TMC1: variants seen among roughly 807,000 people sequenced by gnomAD.
The protein encoded by TMC1 is transmembrane channel like 1.
Under a neutral mutation model 105.8 loss-of-function variants are expected in TMC1, and 84 were observed. The ratio of observed to expected loss-of-function variants is 0.79; its 90% CI spans 0.67 to 0.95. The LOEUF (loss-of-function observed/expected upper bound fraction) is 0.95. TMC1 is among the 40% of genes least tolerant of loss of function. TMC1 has a pLI of 0.00. For synonymous variants in TMC1, 315 were observed against 311.5 expected (o/e 1.01, Z -0.12); for missense variants, 817 against 914.1 (o/e 0.89, Z 1.37).
chr9:72,811,942 TA>T (rs1383619707), intron 18 of TMC1, among the ~76,000 whole-genome samples: 2 of 152,348 alleles, frequency 1.3e-5, no homozygotes, highest in East Asian at 3.9e-4. Flanking sequence ...TGTGAGGTGG[TA>T]TTATTGTTCC....
At position 72,632,514 on chromosome 9, in the gene TMC1, A is replaced by T. The variant is rs1019013315; in HGVS notation, c.-53+4451A>T. Among the ~76,000 whole-genome samples the T allele has an allele frequency of 2.6e-5, 4 of 152,182 alleles. No homozygotes were observed. The South Asian group carries it at 8.3e-4, about 32-fold the overall frequency. ...ATAGGGTAAGAGGACGAGGGGCTGG[A>T]AAAAGAAAGGTAATGGATATAGAGG... On this transcript the variant is annotated intron_variant, in intron 4 of 23. Coordinates refer to ENST00000297784, the MANE Select transcript of TMC1 (RefSeq NM_138691.3).
At chr9:72,568,663 TA>T (rs56733019) in intron 1 of TMC1, among the ~76,000 whole-genome samples, 18,772 of 152,164 alleles carry the variant, frequency 0.12, 1,311 homozygotes, top group Non-Finnish European at 0.17. Context: ...GAAATTTGTT[TA>T]TTTTTTTCAT....
At chr9:72,786,799 A>C (rs1030068196) in intron 13 of TMC1, among the ~76,000 whole-genome samples, 1 of 152,152 alleles carries the variant, frequency 6.6e-6, no homozygotes, top group Non-Finnish European at 1.5e-5. Flanking sequence ...CTGCTCATTC[A>C]GTTCGGGCTC....
At chr9:72,729,944 AG>A (rs1827181938) in intron 8 of TMC1, among the ~76,000 whole-genome samples, 1 of 152,226 alleles carries the variant, frequency 6.6e-6, no homozygotes. Flanking sequence ...TAATGAACTG[AG>A]TGGGGAAACC....
chr9:72,585,214 G>A (rs1229991908), intron 2 of TMC1, among the ~76,000 whole-genome samples: 4 of 146,210 alleles, frequency 2.7e-5, no homozygotes, highest in Admixed American at 1.4e-4. Flanking sequence ...GCAGTGGCGC[G>A]ATCTTGGCTC....
intron 8 of TMC1, among the ~76,000 whole-genome samples, chr9:72,726,718 T>C (rs1827131740): frequency 6.6e-6 from 1 of 152,166 alleles, no homozygotes; most frequent in Non-Finnish European, 1.5e-5. Context: ...AATACCCTAT[T>C]CCAAGAGAAA....
chr9:72,702,692 A>G (rs1826664236), intron 8 of TMC1, among the ~76,000 whole-genome samples: 1 of 152,116 alleles, frequency 6.6e-6, no homozygotes. Flanking sequence ...ACACATTGGT[A>G]CCAGTTTGGA....
chr9:72,699,494 C>T (rs546644118), intron 7 of TMC1, among the ~76,000 whole-genome samples: 94 of 152,212 alleles, frequency 6.2e-4, no homozygotes, highest in Middle Eastern at 3.4e-3. Context: ...GCAAAGACAT[C>T]TTCACCCCTA....
chr9:72,652,166 T>C (rs1825824015), intron 5 of TMC1, among the ~76,000 whole-genome samples: 1 of 152,214 alleles, frequency 6.6e-6, no homozygotes, highest in Non-Finnish European at 1.5e-5. Context: ...TTAGTGATGC[T>C]GAACATCTTT....
At chr9:72,587,060 G>A (rs1008931288) in intron 2 of TMC1, among the ~76,000 whole-genome samples, 17 of 152,222 alleles carry the variant, frequency 1.1e-4, no homozygotes, top group African/African-American at 3.1e-4. Context: ...GGATGCTGCT[G>A]AACATTTTAC....
chr9:72,782,290 T>C lies in TMC1; in HGVS notation c.885-6049T>C, dbSNP rs181449559. On this transcript the variant is annotated intron_variant, in intron 13 of 23. Coordinates refer to ENST00000297784, the MANE Select transcript of TMC1 (RefSeq NM_138691.3). ...TTCATGTTAAAAACTCTGAACAAACTAGGCATTGAAGGAACATACCTCAAA... is the reference window on the plus strand; with the variant it reads ...TTCATGTTAAAAACTCTGAACAAACCAGGCATTGAAGGAACATACCTCAAA... 2.9e-3 allele frequency among the ~76,000 whole-genome samples: 437 copies of C among 152,238 alleles called. 2 individuals are homozygous for C. The highest frequency in any genetic ancestry group is 0.01 in the African/African-American group (417 of 41,536).
chr9:72,542,769 G>T (rs955936308), intron 1 of TMC1, among the ~76,000 whole-genome samples: 1 of 151,450 alleles, frequency 6.6e-6, no homozygotes, highest in Admixed American at 6.6e-5. Context: ...AACCTCTGCC[G>T]CCCGGGTTCA....
At chr9:72,585,059 A>G in intron 2 of TMC1, among the ~76,000 whole-genome samples, 1 of 151,730 alleles carries the variant, frequency 6.6e-6, no homozygotes, top group East Asian at 1.9e-4. Context: ...TGCTGGGATT[A>G]CAGGTGTAAG....
At position 72,553,250 on chromosome 9, in the gene TMC1, G is replaced by C. The variant is rs1312732139; in HGVS notation, c.-427-24652G>C. Among the ~76,000 whole-genome samples, 5 of 152,082 alleles carry C rather than the reference G, an allele frequency of 3.3e-5. No individual in the cohort carries two copies. The East Asian group carries it at 9.6e-4, about 29-fold the overall frequency. Reference sequence around the variant, plus strand: ...TGCTTCACAAAGTGCTGGGATTATAGGCGTGAGTCACCAAGCCTGGCTCCA... The same window carrying C: ...TGCTTCACAAAGTGCTGGGATTATACGCGTGAGTCACCAAGCCTGGCTCCA... On this transcript the variant is annotated intron_variant, in intron 1 of 23. Transcript: ENST00000297784.
chr9:72,559,830 T>C (rs1162730560), intron 1 of TMC1, among the ~76,000 whole-genome samples: 1 of 152,078 alleles, frequency 6.6e-6, no homozygotes, highest in Non-Finnish European at 1.5e-5. Flanking sequence ...AGAAAGAAGG[T>C]CAACAACCAT....
chr9:72,622,542 A>G (rs959622554), intron 3 of TMC1, among the ~76,000 whole-genome samples: 3 of 152,058 alleles, frequency 2.0e-5, no homozygotes, highest in African/African-American at 7.2e-5. Context: ...CCTCCTTTAT[A>G]TATCTTTTAG....
chr9:72,804,433 A>G (rs765181864), intron 17 of TMC1, among the ~76,000 whole-genome samples: 1 of 152,238 alleles, frequency 6.6e-6, no homozygotes. Flanking sequence ...ATGGTTTCTA[A>G]TATATTCACA....
intron 1 of TMC1, among the ~76,000 whole-genome samples, chr9:72,532,000 T>G (rs1823504948): frequency 6.6e-6 from 1 of 152,128 alleles, no homozygotes; most frequent in South Asian, 2.1e-4. Flanking sequence ...GGTGTGATCT[T>G]GGCTCACTGC....
intron 5 of TMC1, among the ~76,000 whole-genome samples, chr9:72,676,355 TTTAGA>T (rs1246665400): frequency 6.6e-6 from 1 of 152,142 alleles, no homozygotes; most frequent in Non-Finnish European, 1.5e-5. Context: ...TTCCTAAAAG[TTTAGA>T]TTAAAGATGC....
Sources: gnomAD v4.1 joint callset for allele counts (sites outside exome capture counted in the v4.1 genomes callset) on GRCh38, gnomAD v4.1.1 for gene constraint, MANE v1.5 for transcripts, NCBI Gene and HGNC (gene_info 2026-07-23, HGNC 2026-07-21) for gene names.